Variants in COL12A1 observed in about 807,000 individuals in gnomAD.
The protein encoded by COL12A1 is collagen alpha-1(XII) chain.
Under a neutral mutation model 349.7 loss-of-function variants are expected in COL12A1, and 114 were observed. The ratio of observed to expected loss-of-function variants is 0.33; its 90% CI spans 0.28 to 0.38. The LOEUF (loss-of-function observed/expected upper bound fraction) is 0.38. Among genes scored for constraint, COL12A1 ranks in the 10% least tolerant of loss-of-function variants. The probability of loss-of-function intolerance (pLI) is 1.00; values close to 1 mark genes in which losing one functional copy is unlikely to be tolerated. For synonymous variants in COL12A1, 1,369 were observed against 1,329.0 expected, an observed-to-expected ratio of 1.03 and a Z score of -0.66; for missense variants, 3,284 against 3,756.9, an observed-to-expected ratio of 0.87 and a Z score of 3.29.
At chr6:75,121,677 C>T (rs891844493) in intron 43 of COL12A1, among the ~76,000 whole-genome samples, 6 of 152,068 alleles carry the variant, frequency 3.9e-5, no homozygotes, top group East Asian at 3.8e-4. Flanking sequence ...AGAAGCATTG[C>T]GGGGACCCTC....
chr6:75,118,925 G>A (rs565710809), intron 46 of COL12A1, 118 bp downstream of exon 46: 43 of 1,362,580 alleles, frequency 3.2e-5, no homozygotes, highest in South Asian at 5.3e-5. Context: ...AAGGTATACC[G>A]TGCAGAGTGA....
chr6:75,203,122 C>G (rs1770614438), intron 1 of COL12A1, among the ~76,000 whole-genome samples: 1 of 152,204 alleles, frequency 6.6e-6, no homozygotes, highest in Admixed American at 6.5e-5. Context: ...TGACTTCATC[C>G]TGCCTGGGTA....
chr6:75,190,774 T>C (rs1769886412), intron 5 of COL12A1, among the ~76,000 whole-genome samples: 1 of 151,964 alleles, frequency 6.6e-6, no homozygotes, highest in Admixed American at 6.6e-5. Flanking sequence ...GCAAGCCAAA[T>C]AAATACAAGT....
In COL12A1 at chr6:75,124,108, C is replaced by A; in HGVS notation, c.6725-14G>T. On this transcript the variant is annotated splice_polypyrimidine_tract_variant and intron_variant, in intron 41 of 65. Transcript: ENST00000322507. ...GTCCCCTTGTTCCTGATTATGACAA[C>A]AAAGGAAAATGCCAGTGTCATCACC... The A allele has an allele frequency of 6.2e-7, 1 of 1,608,886 alleles. No homozygotes were observed. The highest frequency in any genetic ancestry group is 8.5e-7 in the Non-Finnish European group (1 of 1,176,220).
rs1388088232 is a variant in COL12A1, at chr6:75,109,085, C to A, written c.8033G>T (p.Gly2678Val). ...TTCATAACCATCAGTTGTTATATTT[C>A]CAGCTTCCTTGATGTCTTTTTCTAT... ...EIIEKDIKEA[G>V]NITTDGYEIL... Residue 2678 changes from glycine (G) to valine (V), a missense_variant, in exon 52 of 66, where the codon GGA becomes GTA. Coordinates refer to ENST00000322507, the MANE Select transcript of COL12A1 (RefSeq NM_004370.6). 1 of 1,612,110 alleles carries A rather than the reference C, an allele frequency of 6.2e-7. No homozygotes were observed. Among genetic ancestry groups the A allele is most frequent in the South Asian group, 1.1e-5 (1 of 90,774 alleles).
At chr6:75,099,250 A>G (rs1768191516) in intron 58 of COL12A1, among the ~76,000 whole-genome samples, 1 of 152,236 alleles carries the variant, frequency 6.6e-6, no homozygotes, top group Non-Finnish European at 1.5e-5. Context: ...TTTTAGGGAT[A>G]AGATTTCAGA....
At chr6:75,131,612 A>G (rs1393395548) in intron 35 of COL12A1, among the ~76,000 whole-genome samples, 1 of 152,208 alleles carries the variant, frequency 6.6e-6, no homozygotes, top group African/African-American at 2.4e-5. Context: ...TAATGTTATG[A>G]ATGAAAGATA....
intron 58 of COL12A1, among the ~76,000 whole-genome samples, chr6:75,098,845 C>T (rs1178846247): frequency 6.6e-6 from 1 of 152,184 alleles, no homozygotes; most frequent in Admixed American, 6.5e-5. Context: ...GGCTTGATCT[C>T]TGGCTCGTGC....
Position 75,202,775 on chromosome 6 carries a change from G to A in COL12A1, c.18C>T (p.Pro6=), listed in dbSNP as rs1427431369. Reference sequence around the variant, plus strand: ...CCGCGCCCAGGGCGGCAAGCGCTGGGGGAAGCCTACTCCGCATCCTTGGCC... The same window carrying A: ...CCGCGCCCAGGGCGGCAAGCGCTGGAGGAAGCCTACTCCGCATCCTTGGCC... The part of the protein sequence containing the change: MRSRL[P]PALAALGAAL... Residue 6 remains proline (P), a synonymous_variant, in exon 2 of 66, where the codon CCC becomes CCT. Coordinates refer to ENST00000322507, the MANE Select transcript of COL12A1 (RefSeq NM_004370.6). The A allele has an allele frequency of 3.2e-6, 5 of 1,551,744 alleles. No individual in the cohort carries two copies. The highest frequency in any genetic ancestry group is 2.4e-5 in the East Asian group (1 of 40,950).
chr6:75,177,541 C>T, intron 12 of COL12A1, 122 bp downstream of exon 12: 1 of 1,238,104 alleles, frequency 8.1e-7, no homozygotes, highest in South Asian at 1.3e-5. Flanking sequence ...GGACTATGGT[C>T]TAACATACTC....
rs1182620341 is a variant in COL12A1, at chr6:75,134,812, A to C, written c.5438T>G (p.Leu1813Arg). Residue 1813 changes from leucine to arginine, a missense_variant, in exon 32 of 66, where the codon CTG (leucine) becomes CGG (arginine). Transcript: ENST00000322507. ...GRQNSVVLQK[L>R]KPDTPYTITV... Reference sequence around the variant, plus strand: ...GATAGTGTAAGGAGTGTCTGGCTTCAGTTTCTGCAGGACCACACTGTTCTG... The same window carrying C: ...GATAGTGTAAGGAGTGTCTGGCTTCCGTTTCTGCAGGACCACACTGTTCTG... The C allele has an allele frequency of 6.2e-7, 1 of 1,613,284 alleles. No homozygotes were observed.
At chr6:75,180,818 C>T in intron 11 of COL12A1, 121 bp downstream of exon 11, 1 of 1,208,728 alleles carries the variant, frequency 8.3e-7, no homozygotes, top group Non-Finnish European at 1.1e-6. Context: ...TTAAAGATGC[C>T]AAATCTTACA....
At position 75,183,162 on chromosome 6, in the gene COL12A1, C is replaced by T. The variant is rs776736301; in HGVS notation, c.1779G>A (p.Glu593=). ...ELEAIASPPA[E]THVFTVEDFD... ...AATCTTCCACTGTGAACACATGGGT[C>T]TCTGCAGGAGGAGAGGCAATAGCTT... Residue 593 remains glutamate (E), a synonymous_variant, in exon 10 of 66, where the codon GAG becomes GAA. Coordinates refer to ENST00000322507, the MANE Select transcript of COL12A1 (RefSeq NM_004370.6). The T allele has an allele frequency of 1.2e-6, 2 of 1,614,152 alleles. No individual in the cohort carries two copies. The highest frequency in any genetic ancestry group is 1.7e-6 in the Non-Finnish European group (2 of 1,180,028).
intron 13 of COL12A1, among the ~76,000 whole-genome samples, chr6:75,167,988 C>A (rs916374851): frequency 1.3e-5 from 2 of 152,146 alleles, no homozygotes; most frequent in African/African-American, 4.8e-5. Context: ...AGTTCTCAAT[C>A]TCAGAAAAAA....
At chr6:75,098,420 A>C (rs1490993528) in intron 58 of COL12A1, among the ~76,000 whole-genome samples, 1 of 152,176 alleles carries the variant, frequency 6.6e-6, no homozygotes, top group African/African-American at 2.4e-5. Flanking sequence ...TTGGGAGGCC[A>C]AGGCAGGAGG....
In COL12A1 at chr6:75,148,370, C is replaced by T; in HGVS notation, c.4275G>A (p.Gly1425=). 6.2e-7 allele frequency: 1 copy of T among 1,612,350 alleles called. No individual in the cohort carries two copies. Among genetic ancestry groups the T allele is most frequent in the Non-Finnish European group, 8.5e-7 (1 of 1,179,084 alleles). The change falls in exon 22 of 66, where the codon GGG becomes GGA. Residue 1425 remains glycine (G), a synonymous_variant. Coordinates refer to ENST00000322507, the MANE Select transcript of COL12A1 (RefSeq NM_004370.6). ...TGTTCCTACTCACTTCTTGACGTTT[C>T]CCTCCAGAAACTGGATAGTATTCCA... The part of the protein sequence containing the change: ...YKVEYYPVSG[G]KRQEFYVSRM...
chr6:75,174,712 A>G (rs560336132), intron 13 of COL12A1, among the ~76,000 whole-genome samples: 1 of 152,210 alleles, frequency 6.6e-6, no homozygotes, highest in East Asian at 1.9e-4. Context: ...TTTTTCATAG[A>G]TGTTTCCCAA....
chr6:75,108,552 T>C (rs1034424897), intron 52 of COL12A1, among the ~76,000 whole-genome samples: 4 of 152,222 alleles, frequency 2.6e-5, no homozygotes, highest in African/African-American at 7.2e-5. Flanking sequence ...CCTACTCCAC[T>C]GATCCTTTTG....
At chr6:75,172,467 T>C (rs149197444) in intron 13 of COL12A1, among the ~76,000 whole-genome samples, 1,901 of 152,248 alleles carry the variant, frequency 0.012, 35 homozygotes, top group African/African-American at 0.044. Flanking sequence ...ATACTCCTTA[T>C]AAAGAAGAAA....
Sources: allele counts gnomAD v4.1 joint callset (sites outside exome capture counted in the v4.1 genomes callset), GRCh38; gene constraint gnomAD v4.1.1; transcripts MANE v1.5; gene names NCBI Gene and HGNC (gene_info 2026-07-23, HGNC 2026-07-21).